MOB2: variants seen among roughly 807,000 people sequenced by gnomAD.
MOB2 encodes MOB2 Mps One Binder homolog.
Under a neutral mutation model 27.4 loss-of-function variants are expected in MOB2, and 14 were observed. The observed-to-expected ratio is 0.51, with a 90% CI of 0.34 to 0.80. The LOEUF (loss-of-function observed/expected upper bound fraction) is 0.80. Among genes scored for constraint, MOB2 ranks in the 30% least tolerant of loss-of-function variants. MOB2 has a pLI of 0.01. For missense variants in MOB2, 304 were observed against 354.6 expected (o/e 0.86, Z 1.15); for synonymous variants, 167 against 151.8 (o/e 1.10, Z -0.74).
chr11:1,482,113 A>AC (rs936076276), intron 1 of MOB2, among the ~76,000 whole-genome samples: 7 of 152,124 alleles, frequency 4.6e-5, no homozygotes, highest in African/African-American at 1.7e-4. Flanking sequence ...AGCACAGCAC[A>AC]CCACACCCCA....
At chr11:1,471,488 G>A (rs969966684) in intron 3 of MOB2, 69 bp from the exon 4 acceptor site, 36 of 1,549,998 alleles carry the variant, frequency 2.3e-5, no homozygotes, top group South Asian at 1.1e-4. Flanking sequence ...GGTCCCACCC[G>A]CTCAGGTCAT....
intron 2 of MOB2, 60 bp downstream of exon 2, chr11:1,480,665 G>A (rs993006283): frequency 3.8e-6 from 6 of 1,574,960 alleles, no homozygotes; most frequent in African/African-American, 2.7e-5. Flanking sequence ...CCCCCTTGAG[G>A]AGGGGCTTCG....
Position 1,471,331 on chromosome 11 carries a change from G to A in MOB2, c.454C>T (p.Leu152=), listed in dbSNP as rs762790044. ...VDFVMSSVQK[L]VTDEDVFPTK... ...GGGAACACGTCCTCATCCGTCACCA[G>A]CTTCTGCACGGAGCTCATGACGAAG... is the stretch of plus-strand genomic sequence containing the variant. The change falls in exon 4 of 5, where the codon CTG becomes TTG. Residue 152 remains leucine (L), a synonymous_variant. Coordinates refer to ENST00000329957, the MANE Select transcript of MOB2 (RefSeq NM_001172223.3). 2 of 1,613,424 alleles carry A rather than the reference G, an allele frequency of 1.2e-6. No homozygotes were observed. The highest frequency in any genetic ancestry group is 1.7e-6 in the Non-Finnish European group (2 of 1,179,834).
chr11:1,479,849 G>A (rs557973690), intron 3 of MOB2, among the ~76,000 whole-genome samples: 1 of 152,340 alleles, frequency 6.6e-6, no homozygotes, highest in African/African-American at 2.4e-5. Context: ...AGCAACCCAG[G>A]CCTGGCGGCG....
intron 3 of MOB2, among the ~76,000 whole-genome samples, chr11:1,479,277 G>A (rs946686318): frequency 1.3e-5 from 2 of 152,222 alleles, no homozygotes; most frequent in East Asian, 1.9e-4. Flanking sequence ...CAAGGCTCTC[G>A]AGTAGCTCTC....
rs1216233149 is a variant in MOB2, at chr11:1,486,689, C to T, written c.-133G>A. On this transcript the variant is annotated 5_prime_UTR_variant, in exon 1 of 5. Coordinates refer to ENST00000329957, the MANE Select transcript of MOB2 (RefSeq NM_001172223.3). ...GACGCCTGGCAGAGACAAACAGCTG[C>T]CCCCTTTCCAGAGGCAAGGGCTGGC... 1.6e-6 allele frequency: 1 copy of T among 641,520 alleles called. No homozygotes were observed. The highest frequency in any genetic ancestry group is 2.7e-6 in the Non-Finnish European group (1 of 363,790). The allele number at this position is 641,520 out of a possible 1,614,324, so 39.7% of individuals were successfully genotyped here. A position where few individuals can be genotyped will look rare whatever the true frequency, so the allele number is the denominator to read the frequency against.
At chr11:1,486,285 C>T (rs1014205457) in intron 1 of MOB2, among the ~76,000 whole-genome samples, 162 bp downstream of exon 1, 17 of 152,230 alleles carry the variant, frequency 1.1e-4, no homozygotes, top group Non-Finnish European at 2.2e-4. Flanking sequence ...GGACAGCTTG[C>T]GTGTGGCCCA....
chr11:1,470,370 G>A lies in MOB2; in HGVS notation c.609C>T (p.His203=), dbSNP rs775684181. The A allele has an allele frequency of 4.4e-5, 71 of 1,613,546 alleles. No homozygotes were observed. The highest frequency in any genetic ancestry group is 3.3e-4 in the Middle Eastern group (2 of 6,084). Residue 203 remains histidine (H), a synonymous_variant, in exon 5 of 5, where the codon CAC becomes CAT. Transcript: ENST00000329957. ...GGACGTAGAGCGTGTTCAAGTGTCCGTGCAGCTCCAGGGCCAGCGTCTCCT... is the reference window on the plus strand; with the variant it reads ...GGACGTAGAGCGTGTTCAAGTGTCCATGCAGCTCCAGGGCCAGCGTCTCCT... The part of the protein sequence containing the change: ...HFKETLALEL[H]GHLNTLYVHF...
intron 3 of MOB2, chr11:1,471,764 C>G (rs7945160): frequency 0.59 from 122,299 of 206,862 alleles, 37,197 homozygotes; most frequent in African/African-American, 0.7. Context: ...TACACAAGTG[C>G]GTGCTGCTGT....
chr11:1,471,623 C>A, intron 3 of MOB2: 1 of 559,986 alleles, frequency 1.8e-6, no homozygotes, highest in South Asian at 2.7e-5. Context: ...AGGGGTCTGC[C>A]TGCGCTGACT....
chr11:1,480,632 T>C, intron 2 of MOB2, 93 bp downstream of exon 2: 3 of 1,537,398 alleles, frequency 2.0e-6, no homozygotes, highest in Non-Finnish European at 2.6e-6. Flanking sequence ...GGCAGGGGGC[T>C]GCTGAGCACC....
intron 1 of MOB2, chr11:1,481,150 G>T (rs1235720179): frequency 1.6e-6 from 1 of 606,818 alleles, no homozygotes; most frequent in Non-Finnish European, 3.0e-6. Flanking sequence ...CCTGCACGGA[G>T]GGCATCCTCA....
chr11:1,470,240 T>A lies in MOB2; in HGVS notation c.739A>T (p.Ser247Cys). ...CCGGCCCCATCCCCACTGCCCCCACTGTGGACCCCGCCGGCCCCGCTGCAT... is the reference window on the plus strand; with the variant it reads ...CCGGCCCCATCCCCACTGCCCCCACAGTGGACCCCGCCGGCCCCGCTGCAT... Reference protein sequence around the residue: ...VLCSGAGGVHSGGSGDGAGSG... With the variant: ...VLCSGAGGVHCGGSGDGAGSG... The change falls in exon 5 of 5, where the codon AGT (serine) becomes TGT (cysteine). Residue 247 changes from serine to cysteine, a missense_variant. Coordinates refer to ENST00000329957, the MANE Select transcript of MOB2 (RefSeq NM_001172223.3). The A allele has an allele frequency of 6.2e-7, 1 of 1,612,484 alleles. No individual in the cohort carries two copies.
rs1847752115 is a variant in MOB2 at position 1,469,610 on chromosome 11, A to C, written c.*562T>G. The C allele has an allele frequency of 4.4e-6, 2 of 456,754 alleles. No individual in the cohort carries two copies. The highest frequency in any genetic ancestry group is 1.5e-5 in the South Asian group (1 of 64,576). The allele number at this position is 456,754 out of a possible 1,614,324, so 28.3% of individuals were successfully genotyped here. On this transcript the variant is annotated 3_prime_UTR_variant, in exon 5 of 5. Transcript: ENST00000329957. ...CATGGGTGTTCCTTGGGCATGGAGG[A>C]GGCAGCAGGAAGGGGTGACAGGAGC...
At chr11:1,481,731 GGCAGGGGCAGGGAGGGGC>G (rs56311853) in intron 1 of MOB2, 27,771 of 101,838 alleles carry the variant, frequency 0.27, 3,702 homozygotes, top group East Asian at 0.63. Context: ...CAGGGGCAGG[GGCAGGGGCAGGGAGGGGC>G]AGGGGCAGGG....
intron 4 of MOB2, among the ~76,000 whole-genome samples, 174 bp downstream of exon 4, chr11:1,471,121 C>T (rs957271988): frequency 2.6e-5 from 4 of 152,216 alleles, no homozygotes; most frequent in Admixed American, 1.3e-4. Context: ...CCAAGGGCTC[C>T]GGCCTCACCC....
chr11:1,480,100 T>C (rs1235850497), intron 3 of MOB2, among the ~76,000 whole-genome samples: 3 of 152,334 alleles, frequency 2.0e-5, no homozygotes, highest in Non-Finnish European at 2.9e-5. Context: ...AAGGGCTCTC[T>C]GCAATCTTAG....
chr11:1,471,156 A>G (rs549861723), intron 4 of MOB2, 139 bp downstream of exon 4: 16 of 1,232,484 alleles, frequency 1.3e-5, no homozygotes, highest in Non-Finnish European at 1.8e-5. Flanking sequence ...CTCCATGCTA[A>G]GCAGGGACTG....
chr11:1,484,570 C>T (rs1465230138), intron 1 of MOB2, among the ~76,000 whole-genome samples: 1 of 152,122 alleles, frequency 6.6e-6, no homozygotes. Context: ...GCACACCTTG[C>T]TGCCCAGGGT....
Sources: allele counts gnomAD v4.1 joint callset (sites outside exome capture counted in the v4.1 genomes callset), GRCh38; gene constraint gnomAD v4.1.1; transcripts MANE v1.5; gene names NCBI Gene and HGNC (gene_info 2026-07-23, HGNC 2026-07-21).